ODF2: variants seen among roughly 807,000 people sequenced by gnomAD.
The protein encoded by ODF2 is outer dense fiber protein 2.
A neutral mutation model predicts 110.2 loss-of-function variants in ODF2; 47 were observed. That is an observed-to-expected ratio of 0.43 (90% CI 0.34 to 0.54). The LOEUF is 0.54. Among genes scored for constraint, ODF2 ranks in the 20% least tolerant of loss-of-function variants. ODF2 has a pLI of 0.03. For missense variants in ODF2, 812 were observed against 1,054.5 expected (o/e 0.77, Z 3.19); for synonymous variants, 352 against 397.7 (o/e 0.89, Z 1.37).
intron 18 of ODF2, among the ~76,000 whole-genome samples, chr9:128,496,695 G>T (rs889267557): frequency 6.6e-6 from 1 of 152,018 alleles, no homozygotes; most frequent in Admixed American, 6.5e-5. Context: ...TCCTTTTGAG[G>T]AAAGGGTCAA....
At position 128,494,916 on chromosome 9, in the gene ODF2, C is replaced by G. The variant is rs1845322759; in HGVS notation, c.1911+248C>G. 7.8e-7 allele frequency: 1 copy of G among 1,277,386 alleles called. No homozygotes were observed. Among genetic ancestry groups the G allele is most frequent in the Non-Finnish European group, 1.0e-6 (1 of 954,016 alleles). 79.1% of individuals were successfully genotyped at this position (1,277,386 alleles called of 1,614,324 possible). ...GTCACTGGGCCCTCCTGCTGTTGCC[C>G]CCACCCAAGACTGCTGCCTCTGCCT... On this transcript the variant is annotated intron_variant, in intron 17 of 20. Transcript: ENST00000604420. This position sits in a 1 kb window ranked among gnomAD's most constrained non-coding sequence, Gnocchi z 4.6.
intron 1 of ODF2, chr9:128,456,472 C>A: frequency 6.6e-7 from 1 of 1,522,010 alleles, no homozygotes; most frequent in East Asian, 2.6e-5. Context: ...TCGGCCGCCT[C>A]CTTCCTCTCT....
In ODF2 at chr9:128,471,313, G is replaced by A. The variant is rs200605840; in HGVS notation, c.426G>A (p.Lys142=). The change falls in exon 6 of 21, where the codon AAG becomes AAA. Residue 142 remains lysine (K), a synonymous_variant. Transcript: ENST00000604420. ...GCCTGGGTCCCCCTGCTCAGGTCAA[G>A]ATGCAAAAAGGTGAGCGCCAGATGG... 18 of 1,608,724 alleles carry A rather than the reference G, an allele frequency of 1.1e-5. No homozygotes were observed. In the African/African-American group the frequency reaches 2.4e-4, roughly 22 times the overall value.
At chr9:128,480,761 G>A (rs1443541674) in intron 8 of ODF2, among the ~76,000 whole-genome samples, 1 of 152,160 alleles carries the variant, frequency 6.6e-6, no homozygotes, top group African/African-American at 2.4e-5. Flanking sequence ...AGGTTGCAGT[G>A]AGCCGAGATC....
intron 17 of ODF2, among the ~76,000 whole-genome samples, 163 bp from the exon 18 acceptor site, chr9:128,495,878 C>G (rs968044419): frequency 6.6e-6 from 1 of 152,120 alleles, no homozygotes; most frequent in Non-Finnish European, 1.5e-5. Flanking sequence ...TTGGGCCTAA[C>G]CTGTCCCTGC....
At chr9:128,495,472 C>T (rs1348579076) in intron 17 of ODF2, among the ~76,000 whole-genome samples, 1 of 152,236 alleles carries the variant, frequency 6.6e-6, no homozygotes. Flanking sequence ...ATTCTCAGTA[C>T]TGTAACCTTA....
chr9:128,497,132 A>G (rs1392675083), intron 18 of ODF2, among the ~76,000 whole-genome samples: 1 of 151,946 alleles, frequency 6.6e-6, no homozygotes, highest in East Asian at 1.9e-4. Flanking sequence ...ATAGCTTAGA[A>G]CATGTTATTA....
intron 4 of ODF2, among the ~76,000 whole-genome samples, chr9:128,461,810 A>G (rs1256071570): frequency 6.6e-6 from 1 of 152,234 alleles, no homozygotes; most frequent in Middle Eastern, 3.2e-3. Flanking sequence ...TAACTCCTTG[A>G]AGTTTATAGT....
At position 128,494,353 on chromosome 9, in the gene ODF2, G is replaced by A. The variant is rs1021266871; in HGVS notation, c.1753-157G>A. 6.6e-6 allele frequency among the ~76,000 whole-genome samples: 1 copy of A among 152,188 alleles called. No individual in the cohort carries two copies. Among genetic ancestry groups the A allele is most frequent in the Non-Finnish European group, 1.5e-5 (1 of 68,030 alleles). ...ACCTGCTCAATGGCCAGCGGGGAGT[G>A]TAGGCCACACTTCTGCTGTGGATTT... On this transcript the variant is annotated intron_variant, in intron 16 of 20. Transcript: ENST00000604420. This position sits in a 1 kb window ranked among gnomAD's most constrained non-coding sequence, Gnocchi z 4.6.
At chr9:128,462,163 G>A (rs949286244) in intron 4 of ODF2, among the ~76,000 whole-genome samples, 6 of 144,930 alleles carry the variant, frequency 4.1e-5, no homozygotes, top group African/African-American at 7.7e-5. Context: ...TTTTTTTTCC[G>A]AAATGGAGTT....
intron 10 of ODF2, 77 bp from the exon 11 acceptor site, chr9:128,483,860 TG>T: frequency 9.9e-7 from 1 of 1,008,398 alleles, no homozygotes; most frequent in Non-Finnish European, 1.6e-6. Flanking sequence ...CACTCCAGCC[TG>T]GGAAACGGAG....
In ODF2 at chr9:128,494,705, C is replaced by T; in HGVS notation, c.1911+37C>T. Reference sequence around the variant, plus strand: ...GCAGAAAGGGTCCCACGAACTGACCCGAGCAGGGGCCCGCATACCAAGATG... The same window carrying T: ...GCAGAAAGGGTCCCACGAACTGACCTGAGCAGGGGCCCGCATACCAAGATG... On this transcript the variant is annotated intron_variant, in intron 17 of 20. Coordinates refer to ENST00000604420, the Ensembl canonical transcript of ODF2. The surrounding 1 kb of genome is among the most constrained non-coding windows in gnomAD (Gnocchi z 4.6). 6.2e-7 allele frequency: 1 copy of T among 1,614,116 alleles called. No individual in the cohort carries two copies. The highest frequency in any genetic ancestry group is 1.1e-5 in the South Asian group (1 of 91,076).
intron 4 of ODF2, among the ~76,000 whole-genome samples, chr9:128,463,003 T>C (rs1272416798): frequency 1.3e-5 from 2 of 152,168 alleles, no homozygotes. Flanking sequence ...GGCTCACACC[T>C]GTAATCCCAA....
intron 8 of ODF2, among the ~76,000 whole-genome samples, chr9:128,475,006 A>G (rs1368582096): frequency 6.6e-6 from 1 of 152,134 alleles, no homozygotes; most frequent in African/African-American, 2.4e-5. Context: ...GTTAGCAAAT[A>G]TAGTCGACCC....
exon 11 of ODF2, chr9:128,484,002 C>T: frequency 6.2e-7 from 1 of 1,613,774 alleles, no homozygotes; most frequent in South Asian, 1.1e-5. Flanking sequence ...CATTTGCAGG[C>T]ACAGCTTCGG....
At chr9:128,478,336 G>C (rs1357952370) in intron 8 of ODF2, among the ~76,000 whole-genome samples, 1 of 152,098 alleles carries the variant, frequency 6.6e-6, no homozygotes, top group African/African-American at 2.4e-5. Context: ...GGCGGCTCAC[G>C]CCTGTGATCC....
rs1370656035 is a variant in ODF2, at chr9:128,494,862, GTAGT to G, written c.1911+197_1911+200del. 2 of 1,466,094 alleles carry G rather than the reference GTAGT, an allele frequency of 1.4e-6. No individual in the cohort carries two copies. The highest frequency in any genetic ancestry group is 5.0e-5 in the East Asian group (2 of 40,298). The allele number at this position is 1,466,094 out of a possible 1,614,324, so 90.8% of individuals were successfully genotyped here. ...TGCCATGTGTTTGCACAAAGTGATTGTAGTTATAGGAGCCGTCACTTGCGTGGAG... is the reference window on the plus strand; with the variant it reads ...TGCCATGTGTTTGCACAAAGTGATTGTATAGGAGCCGTCACTTGCGTGGAG... On this transcript the variant is annotated intron_variant, in intron 17 of 20. Transcript: ENST00000604420. The surrounding 1 kb of genome is among the most constrained non-coding windows in gnomAD (Gnocchi z 4.6).
Position 128,485,617 on chromosome 9 carries a change from G to T in ODF2, c.1400+143G>T. 1.7e-6 allele frequency: 1 copy of T among 597,190 alleles called. No homozygotes were observed. The allele number at this position is 597,190 out of a possible 1,614,324, so 37.0% of individuals were successfully genotyped here. ...GGGGCTGCACTGGGCTGTGATGTGG[G>T]TAGCCCTGAGCTGGGCTTTCTGGTT... On this transcript the variant is annotated intron_variant, in intron 13 of 20. Transcript: ENST00000604420. This position sits in a 1 kb window ranked among gnomAD's most constrained non-coding sequence, Gnocchi z 5.0.
intron 18 of ODF2, among the ~76,000 whole-genome samples, chr9:128,496,540 C>T (rs527922872): frequency 1.3e-5 from 2 of 152,338 alleles, no homozygotes; most frequent in South Asian, 4.1e-4. Flanking sequence ...TGACCGTTCT[C>T]TGTTATTTAC....
Sources: allele counts gnomAD v4.1 joint callset (sites outside exome capture counted in the v4.1 genomes callset), GRCh38; gene constraint gnomAD v4.1.1; non-coding constraint Gnocchi (gnomAD v3.1); transcripts MANE v1.5; gene names NCBI Gene and HGNC (gene_info 2026-07-23, HGNC 2026-07-21).